The following DACH2 variants were observed in gnomAD, a reference collection of about 807,000 sequenced individuals.
DACH2 encodes the protein dachshund family transcription factor 2.
DACH2 carries 17 observed loss-of-function variants against 35.8 expected under a neutral mutation model. The ratio of observed to expected loss-of-function variants is 0.48; its 90% CI spans 0.33 to 0.71. The LOEUF is 0.71. DACH2 is among the 30% of genes least tolerant of loss of function. The pLI, the probability that DACH2 is intolerant of heterozygous loss-of-function variation, is 0.02. For missense variants in DACH2, 469 were observed against 472.7 expected, an observed-to-expected ratio of 0.99 and a Z score of 0.07; for synonymous variants, 195 against 177.3, an observed-to-expected ratio of 1.10 and a Z score of -0.79.
chrX:86,776,539 T>C (rs2042034000), intron 7 of DACH2, among the ~76,000 whole-genome samples: 1 of 112,032 alleles, frequency 8.9e-6, no homozygotes, highest in African/African-American at 3.2e-5. Context: ...CTTTTTAGAC[T>C]TTAAGAGTTT....
intron 3 of DACH2, among the ~76,000 whole-genome samples, chrX:86,597,961 G>T (rs750704669): frequency 9.0e-6 from 1 of 111,561 alleles, no homozygotes; most frequent in Non-Finnish European, 1.9e-5. Flanking sequence ...GGGAGGCCTC[G>T]CAATCATGGT....
intron 3 of DACH2, among the ~76,000 whole-genome samples, chrX:86,648,604 A>G (rs2040441319): frequency 9.0e-6 from 1 of 110,873 alleles, no homozygotes; most frequent in Admixed American, 9.6e-5. Context: ...CAGGTGCTGT[A>G]CTGAAGACTA....
intron 2 of DACH2, among the ~76,000 whole-genome samples, chrX:86,500,965 T>C (rs2038241591): frequency 9.0e-6 from 1 of 111,651 alleles, no homozygotes; most frequent in Admixed American, 9.6e-5. Context: ...AGATTGTGCT[T>C]GGGATGATGA....
At chrX:86,337,975 G>A (rs185879859) in intron 1 of DACH2, among the ~76,000 whole-genome samples, 30 of 111,742 alleles carry the variant, frequency 2.7e-4, no homozygotes, top group African/African-American at 7.5e-4. Flanking sequence ...ACAAAGAAGG[G>A]CATTACATAA....
At chrX:86,706,122 C>G (rs1265190944) in intron 5 of DACH2, among the ~76,000 whole-genome samples, 3 of 110,193 alleles carry the variant, frequency 2.7e-5, no homozygotes, top group Admixed American at 9.7e-5. Context: ...GGGTGAGGGA[C>G]AAAAAAACTA....
chrX:86,544,571 T>C (rs1731256384), intron 3 of DACH2, among the ~76,000 whole-genome samples: 1 of 111,198 alleles, frequency 9.0e-6, no homozygotes, highest in Admixed American at 9.6e-5. Flanking sequence ...AGAAATAAGA[T>C]TCTTGTCTGA....
intron 2 of DACH2, among the ~76,000 whole-genome samples, chrX:86,413,305 AGGT>A (rs1445015071): frequency 4.5e-5 from 5 of 112,122 alleles, no homozygotes; most frequent in Non-Finnish European, 7.5e-5. Flanking sequence ...AGGACAGTAA[AGGT>A]ATATTGCTGG....
At chrX:86,246,380 T>G in intron 1 of DACH2, among the ~76,000 whole-genome samples, 1 of 85,005 alleles carries the variant, frequency 1.2e-5, no homozygotes, top group Non-Finnish European at 2.3e-5. Context: ...TTCTCCAAGG[T>G]CAACAGGAAA....
chrX:86,292,740 G>T (rs190378735), intron 1 of DACH2, among the ~76,000 whole-genome samples: 6 of 111,973 alleles, frequency 5.4e-5, no homozygotes, highest in Admixed American at 4.8e-4. Flanking sequence ...GCGGTTTTGA[G>T]TGAGTTTCTT....
intron 6 of DACH2, among the ~76,000 whole-genome samples, chrX:86,739,385 C>T (rs893581736): frequency 9.0e-6 from 1 of 111,435 alleles, no homozygotes; most frequent in African/African-American, 3.3e-5. Context: ...GAGTATCACA[C>T]TCCAGGCCTT....
At chrX:86,288,924 A>G (rs768956477) in intron 1 of DACH2, among the ~76,000 whole-genome samples, 4 of 110,994 alleles carry the variant, frequency 3.6e-5, no homozygotes, top group African/African-American at 6.6e-5. Flanking sequence ...AGTCTCATTT[A>G]CTTTTCTCTC....
intron 1 of DACH2, among the ~76,000 whole-genome samples, chrX:86,151,062 G>T (rs751619548): frequency 9.0e-6 from 1 of 110,776 alleles, no homozygotes; most frequent in Non-Finnish European, 1.9e-5. Context: ...CAAATAAATA[G>T]ATTAGTATTT....
chrX:86,365,022 C>A (rs1015506569), intron 1 of DACH2, among the ~76,000 whole-genome samples: 2 of 111,286 alleles, frequency 1.8e-5, no homozygotes, highest in African/African-American at 6.5e-5. Context: ...AACCCACTAG[C>A]GACATAAAGC....
chrX:86,340,489 C>T (rs1300424781), intron 1 of DACH2, among the ~76,000 whole-genome samples: 3 of 110,841 alleles, frequency 2.7e-5, no homozygotes, highest in East Asian at 5.7e-4. Context: ...TCTATCTCTC[C>T]CCCTCTCCTT....
chrX:86,368,117 G>A (rs954662747), intron 1 of DACH2, among the ~76,000 whole-genome samples: 5 of 111,772 alleles, frequency 4.5e-5, no homozygotes, highest in Admixed American at 3.8e-4. Context: ...CTGCACTGAC[G>A]ACTTCAGGTA....
At chrX:86,388,813 G>T (rs1436630770) in intron 2 of DACH2, among the ~76,000 whole-genome samples, 3 of 111,502 alleles carry the variant, frequency 2.7e-5, no homozygotes, top group Non-Finnish European at 5.7e-5. Context: ...AACTCTGTAT[G>T]GGATAATGGT....
intron 1 of DACH2, among the ~76,000 whole-genome samples, chrX:86,348,874 A>T (rs1434036021): frequency 1.8e-5 from 2 of 112,195 alleles, no homozygotes; most frequent in Non-Finnish European, 3.8e-5. Context: ...CATAACCCCT[A>T]GGGGGAGCAG....
rs187540580 is a variant in DACH2 at position 86,738,568 on chromosome X, A to T, written c.1105-1179A>T. Among the ~76,000 whole-genome samples, 435 of 111,854 alleles carry T rather than the reference A, an allele frequency of 3.9e-3. 5 individuals carry two copies. The highest frequency in any genetic ancestry group is 0.013 in the African/African-American group (411 of 30,885). The stretch of plus-strand genomic sequence containing the variant: ...GCTGGCATGTTTATCACCCAGTCAC[A>T]TTTATTGCATAAGTGCATAAACCCT... On this transcript the variant is annotated intron_variant, in intron 6 of 11. Coordinates refer to ENST00000373125, the MANE Select transcript of DACH2 (RefSeq NM_053281.3).
intron 3 of DACH2, among the ~76,000 whole-genome samples, chrX:86,628,464 G>T (rs772927907): frequency 1.8e-5 from 2 of 111,686 alleles, no homozygotes; most frequent in African/African-American, 6.5e-5. Context: ...ATCATAATTC[G>T]GGCTAGACAA....
Sources: gnomAD v4.1 joint callset for allele counts (sites outside exome capture counted in the v4.1 genomes callset) on GRCh38, gnomAD v4.1.1 for gene constraint, MANE v1.5 for transcripts, NCBI Gene and HGNC (gene_info 2026-07-23, HGNC 2026-07-21) for gene names.